Variants in CACNA2D1 observed in about 807,000 individuals in gnomAD.
CACNA2D1 encodes the protein voltage-dependent calcium channel subunit alpha-2/delta-1.
Under a neutral mutation model 171.5 loss-of-function variants are expected in CACNA2D1, and 53 were observed. The observed-to-expected ratio is 0.31, with a 90% CI of 0.25 to 0.39. The LOEUF is 0.39. CACNA2D1 is among the 10% of genes least tolerant of loss of function. CACNA2D1 has a pLI of 1.00. For synonymous variants in CACNA2D1, 442 were observed against 443.1 expected (o/e 1.00, Z 0.03); for missense variants, 903 against 1,299.8 (o/e 0.69, Z 4.69).
chr7:82,216,891 C>CAAA (rs56161307), intron 3 of CACNA2D1, among the ~76,000 whole-genome samples: 3 of 130,320 alleles, frequency 2.3e-5, no homozygotes, highest in Admixed American at 1.6e-4. Context: ...AGCCTAAATC[C>CAAA]AAAAAAAAAA....
chr7:82,341,331 G>A (rs548464837), intron 2 of CACNA2D1, among the ~76,000 whole-genome samples: 14 of 152,056 alleles, frequency 9.2e-5, no homozygotes, highest in Non-Finnish European at 1.8e-4. Context: ...GTTGAGAAAT[G>A]TGAAGATTCC....
intron 3 of CACNA2D1, among the ~76,000 whole-genome samples, chr7:82,334,667 A>G (rs571016840): frequency 6.6e-6 from 1 of 151,962 alleles, no homozygotes; most frequent in South Asian, 2.1e-4. Context: ...TGTGAGGGAA[A>G]ACTATTTTTA....
chr7:82,015,875 C>CA (rs911841334), intron 12 of CACNA2D1, among the ~76,000 whole-genome samples: 1 of 152,156 alleles, frequency 6.6e-6, no homozygotes, highest in African/African-American at 2.4e-5. Context: ...TCCCTGCCCC[C>CA]AAAACGTACA....
chr7:82,280,433 C>A (rs1378471213), intron 3 of CACNA2D1, among the ~76,000 whole-genome samples: 1 of 152,138 alleles, frequency 6.6e-6, no homozygotes, highest in Non-Finnish European at 1.5e-5. Context: ...ATGCTAATAT[C>A]TTCCCAAATG....
At chr7:82,177,432 T>A (rs1397112537) in intron 3 of CACNA2D1, among the ~76,000 whole-genome samples, 1 of 152,098 alleles carries the variant, frequency 6.6e-6, no homozygotes, top group South Asian at 2.1e-4. Context: ...ACAAGTTTCA[T>A]GAGGAATGAT....
intron 2 of CACNA2D1, 67 bp from the exon 3 acceptor site, chr7:82,335,318 G>T: frequency 1.1e-6 from 1 of 912,664 alleles, no homozygotes; most frequent in African/African-American, 1.6e-5. Flanking sequence ...GTTCCCATTG[G>T]AATGTATTTA....
At chr7:82,409,154 A>T (rs1316329120) in intron 1 of CACNA2D1, among the ~76,000 whole-genome samples, 1 of 152,180 alleles carries the variant, frequency 6.6e-6, no homozygotes, top group Admixed American at 6.6e-5. Context: ...AACAAATAAA[A>T]GGCCAAAATC....
At chr7:82,294,398 C>T (rs963740811) in intron 3 of CACNA2D1, among the ~76,000 whole-genome samples, 18 of 151,962 alleles carry the variant, frequency 1.2e-4, no homozygotes, top group Admixed American at 3.3e-4. Context: ...TCTAGGAATT[C>T]GGTTATTCAC....
intron 5 of CACNA2D1, among the ~76,000 whole-genome samples, chr7:82,124,053 G>C (rs188750112): frequency 6.6e-6 from 1 of 151,812 alleles, no homozygotes; most frequent in Non-Finnish European, 1.5e-5. Context: ...AAGCAATTAT[G>C]GATACAAAGC....
chr7:81,959,966 G>T (rs919597982), intron 36 of CACNA2D1, 137 bp from the exon 37 acceptor site: 1 of 1,345,868 alleles, frequency 7.4e-7, no homozygotes, highest in Non-Finnish European at 1.0e-6. Context: ...CACAATAGGA[G>T]TATGATTTTA....
intron 1 of CACNA2D1, among the ~76,000 whole-genome samples, chr7:82,369,191 A>G (rs981078871): frequency 6.6e-6 from 1 of 152,086 alleles, no homozygotes; most frequent in African/African-American, 2.4e-5. Flanking sequence ...TTATTTATCA[A>G]ACTCTCCATT....
At chr7:82,044,139 C>T (rs991574937) in intron 10 of CACNA2D1, among the ~76,000 whole-genome samples, 4 of 152,246 alleles carry the variant, frequency 2.6e-5, no homozygotes, top group Admixed American at 1.3e-4. Flanking sequence ...CCCACCTTGG[C>T]CTCCCAAGCA....
chr7:82,332,524 AAG>A lies in CACNA2D1; in HGVS notation c.294+2609_294+2610del, dbSNP rs3054695. Reference sequence around the variant, plus strand: ...AAAAAGAAATATAAAGAAAGAAAGAAAGAAAGAAAGAAAGAAAGAAAGAAAGA... The same window carrying A: ...AAAAAGAAATATAAAGAAAGAAAGAAAAAGAAAGAAAGAAAGAAAGAAAGA... On this transcript the variant is annotated intron_variant, in intron 3 of 38. Coordinates refer to ENST00000356860, the MANE Select transcript of CACNA2D1 (RefSeq NM_000722.4). 1.3e-4 allele frequency among the ~76,000 whole-genome samples: 18 copies of A among 139,818 alleles called. 1 individual carries two copies. Among genetic ancestry groups the A allele is most frequent in the East Asian group, 5.9e-4 (3 of 5,088 alleles). 91.7% of individuals were successfully genotyped at this position (139,818 alleles called of 152,430 possible). A position where few individuals can be genotyped will look rare whatever the true frequency, so the allele number is the denominator to read the frequency against.
At chr7:82,186,867 T>C (rs145557702) in intron 3 of CACNA2D1, among the ~76,000 whole-genome samples, 39 of 152,278 alleles carry the variant, frequency 2.6e-4, no homozygotes, top group Middle Eastern at 3.4e-3. Context: ...TCATTACATA[T>C]AATCTCTAAG....
At chr7:81,994,732 A>C (rs1797869928) in intron 20 of CACNA2D1, 136 bp downstream of exon 20, 1 of 594,110 alleles carries the variant, frequency 1.7e-6, no homozygotes, top group African/African-American at 1.9e-5. Context: ...AAGTGCTTTA[A>C]AAAGAAAAAT....
At chr7:82,049,363 T>TC (rs1804941295) in intron 10 of CACNA2D1, among the ~76,000 whole-genome samples, 1 of 152,086 alleles carries the variant, frequency 6.6e-6, no homozygotes, top group South Asian at 2.1e-4. Flanking sequence ...TTTTAAGACC[T>TC]CCTCCCATCC....
intron 10 of CACNA2D1, among the ~76,000 whole-genome samples, chr7:82,040,296 G>A (rs1317660584): frequency 6.6e-6 from 1 of 152,098 alleles, no homozygotes; most frequent in Non-Finnish European, 1.5e-5. Context: ...CTGGAGGGAT[G>A]ACTGGTTCAG....
At chr7:82,415,585 C>T (rs1198507996) in intron 1 of CACNA2D1, among the ~76,000 whole-genome samples, 3 of 152,126 alleles carry the variant, frequency 2.0e-5, no homozygotes, top group African/African-American at 7.2e-5. Context: ...AATAAACAGG[C>T]AACATTGCAT....
intron 4 of CACNA2D1, among the ~76,000 whole-genome samples, chr7:82,157,526 A>G (rs927900560): frequency 2.0e-5 from 3 of 152,060 alleles, no homozygotes; most frequent in Non-Finnish European, 2.9e-5. Flanking sequence ...ACGTCAGAGA[A>G]AACCTTGTAA....
Sources: allele counts gnomAD v4.1 joint callset (sites outside exome capture counted in the v4.1 genomes callset), GRCh38; gene constraint gnomAD v4.1.1; transcripts MANE v1.5; gene names NCBI Gene and HGNC (gene_info 2026-07-23, HGNC 2026-07-21).